Variants in TXNDC16 observed in about 807,000 individuals in gnomAD.
The protein encoded by TXNDC16 is thioredoxin domain containing 16, also known as thioredoxin domain-containing protein 16.
Under a neutral mutation model 85.6 loss-of-function variants are expected in TXNDC16, and 74 were observed. The observed-to-expected ratio is 0.86, with a 90% CI of 0.72 to 1.05. The LOEUF (loss-of-function observed/expected upper bound fraction) is 1.05, where lower values mean the gene tolerates loss of function less well. Among genes scored for constraint, TXNDC16 ranks in the 50% least tolerant of loss-of-function variants. TXNDC16 has a pLI of 0.00. For synonymous variants in TXNDC16, 335 were observed against 326.5 expected, an observed-to-expected ratio of 1.03 and a Z score of -0.28; for missense variants, 959 against 947.0, an observed-to-expected ratio of 1.01 and a Z score of -0.17.
intron 14 of TXNDC16, among the ~76,000 whole-genome samples, chr14:52,473,870 AGAT>A (rs1393309726): frequency 3.4e-5 from 5 of 149,096 alleles, no homozygotes; most frequent in African/African-American, 1.0e-4. Context: ...TCAGAAAGAC[AGAT>A]GATAGGACTA....
At chr14:52,482,383 C>A (rs2036170164) in intron 13 of TXNDC16, 94 bp from the exon 14 acceptor site, 1 of 1,040,496 alleles carries the variant, frequency 9.6e-7, no homozygotes, top group Non-Finnish European at 1.4e-6. Flanking sequence ...ATGAGGTTTC[C>A]CAAAATTATT....
intron 9 of TXNDC16, among the ~76,000 whole-genome samples, chr14:52,509,075 T>G (rs1054201336): frequency 2.6e-5 from 4 of 151,482 alleles, no homozygotes; most frequent in African/African-American, 9.8e-5. Context: ...TAATATTACA[T>G]AATTCCTAGT....
intron 9 of TXNDC16, among the ~76,000 whole-genome samples, chr14:52,499,822 T>C (rs756311907): frequency 1.2e-4 from 18 of 152,112 alleles, no homozygotes; most frequent in Non-Finnish European, 2.6e-4. Context: ...ATAAAAGTCA[T>C]AGTATTTGCA....
intron 18 of TXNDC16, among the ~76,000 whole-genome samples, chr14:52,443,932 G>A (rs2140104710): frequency 6.6e-6 from 1 of 152,292 alleles, no homozygotes; most frequent in Non-Finnish European, 1.5e-5. Flanking sequence ...TCAGCTGGTA[G>A]TGATGGTAGA....
At position 52,501,982 on chromosome 14, in the gene TXNDC16, G is replaced by A. The variant is rs533155183; in HGVS notation, c.756+9258C>T. On this transcript the variant is annotated intron_variant, in intron 9 of 20. Coordinates refer to ENST00000281741, the MANE Select transcript of TXNDC16 (RefSeq NM_020784.3). ...GTCTCAAGGAATCTTTCGAGGCTTT[G>A]TCTCCTTTTCTGTACTCTGCATTCA... 6.6e-5 allele frequency among the ~76,000 whole-genome samples: 10 copies of A among 152,258 alleles called. No individual in the cohort carries two copies. In the South Asian group the frequency reaches 1.9e-3, roughly 28 times the overall value.
At chr14:52,530,162 A>ATATAT (rs1217674230) in intron 6 of TXNDC16, among the ~76,000 whole-genome samples, 4 of 87,198 alleles carry the variant, frequency 4.6e-5, no homozygotes, top group African/African-American at 1.9e-4. Flanking sequence ...TATAATTTAT[A>ATATAT]TATATTATAT....
chr14:52,517,229 C>T lies in TXNDC16; in HGVS notation c.514+1943G>A, dbSNP rs372631589. Among the ~76,000 whole-genome samples the T allele has an allele frequency of 1.2e-3, 179 of 152,218 alleles. 1 individual carries two copies. Among genetic ancestry groups the T allele is most frequent in the African/African-American group, 4.2e-3 (173 of 41,544 alleles). ...AATCTTTATAATAATTTCCCTGCCC[C>T]GTTTTTTAGGCTAAAAAATGTAATC... On this transcript the variant is annotated intron_variant, in intron 7 of 20. Transcript: ENST00000281741.
chr14:52,526,584 C>T (rs2037340658), intron 6 of TXNDC16, among the ~76,000 whole-genome samples: 1 of 152,184 alleles, frequency 6.6e-6, no homozygotes, highest in Admixed American at 6.5e-5. Flanking sequence ...CATCTGCTTC[C>T]ATTCAAAGAG....
chr14:52,517,408 C>T (rs1367570838), intron 7 of TXNDC16, among the ~76,000 whole-genome samples: 7 of 152,134 alleles, frequency 4.6e-5, no homozygotes, highest in Non-Finnish European at 8.8e-5. Context: ...TGCCTAACAA[C>T]CATTCTTTAT....
At chr14:52,492,575 G>A (rs562976644) in intron 9 of TXNDC16, among the ~76,000 whole-genome samples, 22 of 152,074 alleles carry the variant, frequency 1.4e-4, no homozygotes, top group African/African-American at 1.4e-4. Flanking sequence ...CCTCCTCCAC[G>A]CTCCTCTTTT....
intron 20 of TXNDC16, among the ~76,000 whole-genome samples, chr14:52,437,113 T>A (rs905455208): frequency 3.3e-5 from 5 of 152,120 alleles, no homozygotes; most frequent in African/African-American, 1.2e-4. Context: ...AATATATATA[T>A]CCATACTACA....
rs1566592873 is a variant in TXNDC16, at chr14:52,547,205, G to A, written c.-181-2834C>T. Among the ~76,000 whole-genome samples, 3 of 152,220 alleles carry A rather than the reference G, an allele frequency of 2.0e-5. No homozygotes were observed. The South Asian group carries it at 6.2e-4, about 32-fold the overall frequency. ...AAACTGACAAAACTGCTCAGCCACAGAAAGAGGTCAGAGGCCATATGCTCC... is the reference window on the plus strand; with the variant it reads ...AAACTGACAAAACTGCTCAGCCACAAAAAGAGGTCAGAGGCCATATGCTCC... On this transcript the variant is annotated intron_variant, in intron 1 of 20. Transcript: ENST00000281741.
At chr14:52,497,475 G>A (rs1485643718) in intron 9 of TXNDC16, among the ~76,000 whole-genome samples, 1 of 152,190 alleles carries the variant, frequency 6.6e-6, no homozygotes, top group African/African-American at 2.4e-5. Flanking sequence ...CTCATTTTAT[G>A]AGGCCAGCAT....
intron 12 of TXNDC16, among the ~76,000 whole-genome samples, chr14:52,487,653 A>C (rs1246237291): frequency 1.3e-5 from 2 of 152,186 alleles, no homozygotes; most frequent in Non-Finnish European, 2.9e-5. Context: ...AGTATTCTTG[A>C]CTGTCACTAA....
At chr14:52,526,724 T>C (rs570156105) in intron 6 of TXNDC16, among the ~76,000 whole-genome samples, 38 of 152,360 alleles carry the variant, frequency 2.5e-4, no homozygotes, top group Admixed American at 2.0e-4. Flanking sequence ...TGCTGACTGA[T>C]GGCTGGCAGA....
At chr14:52,467,282 A>G (rs1258327504) in intron 16 of TXNDC16, among the ~76,000 whole-genome samples, 2 of 152,196 alleles carry the variant, frequency 1.3e-5, no homozygotes, top group East Asian at 1.9e-4. Context: ...CTTTTAAAAA[A>G]GGGAAAAAAA....
chr14:52,457,695 C>T (rs1211642686), intron 16 of TXNDC16, among the ~76,000 whole-genome samples: 1 of 152,164 alleles, frequency 6.6e-6, no homozygotes, highest in Non-Finnish European at 1.5e-5. Context: ...AAAAACAATT[C>T]CTACATTTTC....
chr14:52,470,514 C>G lies in TXNDC16; in HGVS notation c.1479G>C (p.Gln493His). 1 of 1,611,624 alleles carries G rather than the reference C, an allele frequency of 6.2e-7. No individual in the cohort carries two copies. Among genetic ancestry groups the G allele is most frequent in the Non-Finnish European group, 8.5e-7 (1 of 1,179,078 alleles). ...TTATAATGAAGCTGAATACTTACAG[C>G]TGGATAAATTTTAGGAGATCTTCGG... ...LGTEDLLKFI[Q>H]LNRISYPVNI... The change falls in exon 15 of 21, where the codon CAG becomes CAC. Residue 493 changes from glutamine (Q) to histidine (H), a missense_variant and splice_region_variant. Physicochemically the swap from Gln to His is conservative, Grantham distance 24 (BLOSUM62 0). Coordinates refer to ENST00000281741, the MANE Select transcript of TXNDC16 (RefSeq NM_020784.3).
chr14:52,482,501 A>C (rs1370401751), intron 13 of TXNDC16, among the ~76,000 whole-genome samples: 1 of 152,152 alleles, frequency 6.6e-6, no homozygotes, highest in African/African-American at 2.4e-5. Flanking sequence ...ATATAGCTAA[A>C]TGGCTATGAT....
Sources: gnomAD v4.1 joint callset for allele counts (sites outside exome capture counted in the v4.1 genomes callset) on GRCh38, gnomAD v4.1.1 for gene constraint, MANE v1.5 for transcripts, NCBI Gene and HGNC (gene_info 2026-07-23, HGNC 2026-07-21) for gene names.